WDFY1: variants seen among roughly 807,000 people sequenced by gnomAD.
The protein encoded by WDFY1 is WD repeat and FYVE domain-containing protein 1.
In WDFY1, 32 loss-of-function variants were observed where a neutral mutation model predicts 56.4. The observed-to-expected ratio is 0.57, with a 90% CI of 0.43 to 0.76. The LOEUF (loss-of-function observed/expected upper bound fraction) is 0.76. Among genes scored for constraint, WDFY1 ranks in the 30% least tolerant of loss-of-function variants. The pLI, the probability that WDFY1 is intolerant of heterozygous loss-of-function variation, is 0.00. For missense variants in WDFY1, 480 were observed against 545.7 expected, an observed-to-expected ratio of 0.88 and a Z score of 1.20; for synonymous variants, 192 against 197.3, an observed-to-expected ratio of 0.97 and a Z score of 0.23.
chr2:223,907,791 AG>A (rs1228927505), intron 3 of WDFY1, among the ~76,000 whole-genome samples: 1 of 152,086 alleles, frequency 6.6e-6, no homozygotes, highest in African/African-American at 2.4e-5. Context: ...CTGCATGGGC[AG>A]GGAGCCTGTC....
In WDFY1 at chr2:223,883,027, C is replaced by G. The variant is rs183817846; in HGVS notation, c.934-955G>C. Among the ~76,000 whole-genome samples, 4 of 152,208 alleles carry G rather than the reference C, an allele frequency of 2.6e-5. No homozygotes were observed. The East Asian group carries it at 5.8e-4, about 22-fold the overall frequency. On this transcript the variant is annotated intron_variant, in intron 9 of 11. Coordinates refer to ENST00000233055, the MANE Select transcript of WDFY1 (RefSeq NM_020830.5). ...TACAGGTGTGAGCCACCATGCCCAG[C>G]CTAAAGGGTTTTAAAATAAGTTTTA...
chr2:223,943,845 C>T (rs1166023444), intron 1 of WDFY1, among the ~76,000 whole-genome samples: 1 of 152,250 alleles, frequency 6.6e-6, no homozygotes, highest in East Asian at 1.9e-4. Context: ...CAGCAAGCTA[C>T]ACCTCCACCA....
chr2:223,906,905 C>T (rs1346548762), intron 3 of WDFY1, among the ~76,000 whole-genome samples: 1 of 151,830 alleles, frequency 6.6e-6, no homozygotes, highest in Non-Finnish European at 1.5e-5. Flanking sequence ...TCAACCTCAA[C>T]TAAAGCTATG....
At chr2:223,940,808 A>C (rs555325590) in intron 1 of WDFY1, among the ~76,000 whole-genome samples, 1 of 151,832 alleles carries the variant, frequency 6.6e-6, no homozygotes, top group South Asian at 2.1e-4. Flanking sequence ...ATGCCCAGCT[A>C]ATTTTTGTGG....
intron 1 of WDFY1, among the ~76,000 whole-genome samples, chr2:223,919,491 G>A (rs552599547): frequency 1.3e-5 from 2 of 152,144 alleles, no homozygotes; most frequent in Non-Finnish European, 2.9e-5. Flanking sequence ...GATTACAGGC[G>A]TGAATCATCA....
rs561944885 is a variant in WDFY1, at chr2:223,884,117, T to G, written c.933+531A>C. The stretch of plus-strand genomic sequence containing the variant: ...AGCACCTTTAAAATCTACAGGCTAT[T>G]TGGAACATATTTCTTTAATTAAAAA... On this transcript the variant is annotated intron_variant, in intron 9 of 11. Transcript: ENST00000233055. 2.6e-5 allele frequency among the ~76,000 whole-genome samples: 4 copies of G among 152,154 alleles called. 1 individual carries two copies. The South Asian group carries it at 8.3e-4, about 32-fold the overall frequency.
intron 1 of WDFY1, among the ~76,000 whole-genome samples, chr2:223,937,200 T>C (rs1263574806): frequency 6.6e-6 from 1 of 152,226 alleles, no homozygotes; most frequent in Non-Finnish European, 1.5e-5. Context: ...TTTAGGATTG[T>C]AAATAACCCC....
At chr2:223,945,118 C>T (rs1430330986) in intron 1 of WDFY1, 30 bp downstream of exon 1, 2 of 1,561,944 alleles carry the variant, frequency 1.3e-6, no homozygotes, top group East Asian at 2.5e-5. Flanking sequence ...TCGCGGAGTT[C>T]GGGCCGCCCC....
chr2:223,910,768 A>C (rs1205818864), intron 3 of WDFY1, among the ~76,000 whole-genome samples: 1 of 152,120 alleles, frequency 6.6e-6, no homozygotes, highest in Admixed American at 6.6e-5. Flanking sequence ...GAAAATAACA[A>C]GTGTTAGCAA....
At chr2:223,881,712 C>T (rs772908774) in intron 10 of WDFY1, among the ~76,000 whole-genome samples, 6 of 152,108 alleles carry the variant, frequency 3.9e-5, no homozygotes, top group East Asian at 1.9e-4. Context: ...CGCTTGAACC[C>T]GGGAGGCAGA....
chr2:223,928,109 C>A (rs1327749333), intron 1 of WDFY1, among the ~76,000 whole-genome samples: 2 of 152,114 alleles, frequency 1.3e-5, no homozygotes, highest in African/African-American at 2.4e-5. Context: ...GATCACTGAA[C>A]ACAGACCACC....
At position 223,939,058 on chromosome 2, in the gene WDFY1, T is replaced by C. The variant is rs73089300; in HGVS notation, c.137+6090A>G. Among the ~76,000 whole-genome samples, 803 of 152,210 alleles carry C rather than the reference T, an allele frequency of 5.3e-3. 7 individuals are homozygous for C. Among genetic ancestry groups the C allele is most frequent in the Middle Eastern group, 0.027 (8 of 294 alleles). On this transcript the variant is annotated intron_variant, in intron 1 of 11. Coordinates refer to ENST00000233055, the MANE Select transcript of WDFY1 (RefSeq NM_020830.5). Reference sequence around the variant, plus strand: ...AGTATTCTTTCTTGGTGGTTGTACATAGGCAAGCACAGTGACAAATAACCC... The same window carrying C: ...AGTATTCTTTCTTGGTGGTTGTACACAGGCAAGCACAGTGACAAATAACCC...
chr2:223,910,711 AC>A (rs1427851226), intron 3 of WDFY1, among the ~76,000 whole-genome samples: 1 of 152,088 alleles, frequency 6.6e-6, no homozygotes, highest in Non-Finnish European at 1.5e-5. Context: ...ACCATTTCAC[AC>A]CCCCCAGGAT....
In WDFY1 at chr2:223,890,344, T is replaced by C. The variant is rs557318511; in HGVS notation, c.831+3890A>G. On this transcript the variant is annotated intron_variant, in intron 8 of 11. Transcript: ENST00000233055. ...GATATTAGCCAGGCATGGTGGCACA[T>C]GTCTGCAGTCCCAGCTACTCAGGTG... Among the ~76,000 whole-genome samples the C allele has an allele frequency of 1.4e-4, 22 of 152,234 alleles. No individual in the cohort carries two copies. In the South Asian group the frequency reaches 4.4e-3, roughly 30 times the overall value.
intron 1 of WDFY1, among the ~76,000 whole-genome samples, chr2:223,943,201 A>AAAG (rs60977673): frequency 1.4e-5 from 2 of 143,514 alleles, no homozygotes; most frequent in Non-Finnish European, 1.5e-5. Flanking sequence ...AAAAAAAAAA[A>AAAG]GTCATTATTC....
In WDFY1 at chr2:223,882,224, C is replaced by T. The variant is rs1425769066; in HGVS notation, c.934-152G>A. 5 of 1,008,698 alleles carry T rather than the reference C, an allele frequency of 5.0e-6. No homozygotes were observed. In the African/African-American group the frequency reaches 6.6e-5, roughly 13 times the overall value. The allele number at this position is 1,008,698 out of a possible 1,614,324, so 62.5% of individuals were successfully genotyped here. A position where few individuals can be genotyped will look rare whatever the true frequency, so the allele number is the denominator to read the frequency against. ...CTGGCGCCCGGGTTCTACCAATTCT[C>T]CTGCCTCAGCCTCCCAAGTAGCTGG... is the stretch of plus-strand genomic sequence containing the variant. On this transcript the variant is annotated intron_variant, in intron 9 of 11. Coordinates refer to ENST00000233055, the MANE Select transcript of WDFY1 (RefSeq NM_020830.5).
At chr2:223,897,406 T>C (rs1416064224) in intron 6 of WDFY1, among the ~76,000 whole-genome samples, 1 of 120,548 alleles carries the variant, frequency 8.3e-6, no homozygotes, top group African/African-American at 3.1e-5. Flanking sequence ...TAAGACGGAG[T>C]CTCTCTCTGT....
At chr2:223,908,688 G>A (rs1009040106) in intron 3 of WDFY1, among the ~76,000 whole-genome samples, 2 of 152,036 alleles carry the variant, frequency 1.3e-5, no homozygotes, top group Admixed American at 6.6e-5. Context: ...TTCCACTGAC[G>A]TCTATGTTCA....
At chr2:223,897,375 TATATATA>T (rs1214746130) in intron 6 of WDFY1, among the ~76,000 whole-genome samples, 235 of 19,296 alleles carry the variant, frequency 0.012, 6 homozygotes, top group South Asian at 0.045. Context: ...TATATATATA[TATATATA>T]TATATATATT....
Sources: allele counts gnomAD v4.1 joint callset (sites outside exome capture counted in the v4.1 genomes callset), GRCh38; gene constraint gnomAD v4.1.1; transcripts MANE v1.5; gene names NCBI Gene and HGNC (gene_info 2026-07-23, HGNC 2026-07-21).